The following SSX2IP variants were observed in gnomAD, a reference collection of about 807,000 sequenced individuals.
SSX2IP encodes the protein SSX family member 2 interacting protein.
SSX2IP carries 55 observed loss-of-function variants against 84.9 expected under a neutral mutation model. The ratio of observed to expected loss-of-function variants is 0.65; its 90% confidence interval spans 0.52 to 0.81. SSX2IP has a LOEUF of 0.81. Ranked by LOEUF, SSX2IP falls within the 30% of genes least tolerant of loss-of-function variation. The pLI is 0.00. For synonymous variants in SSX2IP, 239 were observed against 234.7 expected (o/e 1.02, Z -0.17); for missense variants, 664 against 705.2 (o/e 0.94, Z 0.66).
chr1:84,690,266 C>A (rs911326644), intron 1 of SSX2IP, 105 bp downstream of exon 1: 3 of 151,876 alleles, frequency 2.0e-5, no homozygotes, highest in East Asian at 3.9e-4. Flanking sequence ...AGCCAGGTGC[C>A]GGCTCTCACC....
At chr1:84,665,602 T>C (rs547366051) in intron 5 of SSX2IP, among the ~76,000 whole-genome samples, 1 of 151,760 alleles carries the variant, frequency 6.6e-6, no homozygotes, top group African/African-American at 2.4e-5. Flanking sequence ...AAGTAGAAAT[T>C]AGAATTCTGC....
At chr1:84,690,125 G>A (rs1036486677) in intron 1 of SSX2IP, 2 of 152,404 alleles carry the variant, frequency 1.3e-5, no homozygotes, top group Admixed American at 6.5e-5. Flanking sequence ...GCGAACGCCA[G>A]CGAGAGCGGT....
chr1:84,677,876 T>C (rs1654589086), intron 1 of SSX2IP, among the ~76,000 whole-genome samples: 1 of 152,198 alleles, frequency 6.6e-6, no homozygotes, highest in South Asian at 2.1e-4. Flanking sequence ...CTTGACAGCC[T>C]AGTCAGACAC....
rs754121943 is a variant in SSX2IP, at chr1:84,650,487, C to A, written c.1545G>T (p.Pro515=). 4 of 1,613,994 alleles carry A rather than the reference C, an allele frequency of 2.5e-6. No individual in the cohort carries two copies. Among genetic ancestry groups the A allele is most frequent in the East Asian group, 4.5e-5 (2 of 44,894 alleles). The part of the protein sequence containing the change: ...WDNLIVHSRQ[P]QKKPHSVSNG... The stretch of plus-strand genomic sequence containing the variant: ...TAGACACACTGTGAGGCTTCTTTTG[C>A]GGCTGCCTCGAGTGCACTATAAGAT... The change falls in exon 13 of 14, where the codon CCG becomes CCT. Residue 515 remains proline, a synonymous_variant. Coordinates refer to ENST00000342203, the MANE Select transcript of SSX2IP (RefSeq NM_001166293.2).
intron 2 of SSX2IP, 35 bp from the exon 3 acceptor site, chr1:84,670,850 A>G (rs1359756960): frequency 2.0e-6 from 3 of 1,526,948 alleles, no homozygotes; most frequent in East Asian, 4.5e-5. Context: ...TAAATAATTT[A>G]GAAAAACGTA....
intron 1 of SSX2IP, among the ~76,000 whole-genome samples, chr1:84,687,132 C>T (rs1272183624): frequency 6.6e-6 from 1 of 152,118 alleles, no homozygotes; most frequent in East Asian, 1.9e-4. Context: ...CACACCCCTA[C>T]GAAGCAGGTA....
At chr1:84,657,739 C>A (rs976494707) in intron 9 of SSX2IP, among the ~76,000 whole-genome samples, 1 of 152,196 alleles carries the variant, frequency 6.6e-6, no homozygotes. Flanking sequence ...TTGTATACTG[C>A]ATCCAGAGCA....
At chr1:84,662,738 T>C (rs1652212248) in intron 6 of SSX2IP, among the ~76,000 whole-genome samples, 1 of 152,174 alleles carries the variant, frequency 6.6e-6, no homozygotes, top group Non-Finnish European at 1.5e-5. Flanking sequence ...GCCTGTTTCT[T>C]CTTGGACACT....
intron 4 of SSX2IP, 56 bp from the exon 5 acceptor site, chr1:84,666,288 A>ATCTTTTAAGGATTCAGTT: frequency 7.6e-7 from 1 of 1,317,082 alleles, no homozygotes; most frequent in Non-Finnish European, 1.1e-6. Flanking sequence ...AGAATAACTG[A>ATCTTTTAAGGATTCAGTT]ATCCTTAAAA....
At chr1:84,663,522 T>C (rs1652335476) in intron 6 of SSX2IP, among the ~76,000 whole-genome samples, 1 of 152,186 alleles carries the variant, frequency 6.6e-6, no homozygotes, top group South Asian at 2.1e-4. Flanking sequence ...ATTTCTATTT[T>C]TCAACAATTT....
intron 5 of SSX2IP, 111 bp from the exon 6 acceptor site, chr1:84,664,663 C>G: frequency 5.3e-6 from 5 of 946,530 alleles, no homozygotes; most frequent in Non-Finnish European, 7.3e-6. Context: ...GATGATTCTT[C>G]CTTATTTGTA....
intron 8 of SSX2IP, 46 bp from the exon 9 acceptor site, chr1:84,658,514 G>A: frequency 6.4e-7 from 1 of 1,562,342 alleles, no homozygotes; most frequent in Non-Finnish European, 8.7e-7. Flanking sequence ...ACCTTACAAT[G>A]GCTTTAGATG....
intron 4 of SSX2IP, 90 bp downstream of exon 4, chr1:84,669,591 A>G: frequency 5.3e-6 from 6 of 1,124,058 alleles, no homozygotes; most frequent in Non-Finnish European, 7.7e-6. Flanking sequence ...AAAGCTTAAG[A>G]AAACCCTGAA....
At chr1:84,674,204 T>TA (rs1653974840) in intron 1 of SSX2IP, among the ~76,000 whole-genome samples, 1 of 152,184 alleles carries the variant, frequency 6.6e-6, no homozygotes, top group Non-Finnish European at 1.5e-5. Context: ...AGAGATAAGG[T>TA]ATAATGTACT....
chr1:84,660,029 C>A (rs1570611142), intron 8 of SSX2IP, among the ~76,000 whole-genome samples: 1 of 151,936 alleles, frequency 6.6e-6, no homozygotes, highest in East Asian at 1.9e-4. Context: ...ACAACAAACT[C>A]ATTTTACCTG....
rs1649389781 is a variant in SSX2IP at position 84,645,717 on chromosome 1, C to A, written c.*1716G>T. ...TGTTATTGCTAAATAGCAAAACAAA[C>A]AAAAACAAAAACAACAAAAATCCTA... On this transcript the variant is annotated 3_prime_UTR_variant, in exon 14 of 14. Coordinates refer to ENST00000342203, the MANE Select transcript of SSX2IP (RefSeq NM_001166293.2). The A allele has an allele frequency of 6.6e-6, 1 of 151,996 alleles. No individual in the cohort carries two copies. The highest frequency in any genetic ancestry group is 1.5e-5 in the Non-Finnish European group (1 of 67,980). 9.4% of individuals were successfully genotyped at this position (151,996 alleles called of 1,614,324 possible).
intron 1 of SSX2IP, among the ~76,000 whole-genome samples, chr1:84,680,665 A>G (rs6576721): frequency 0.21 from 31,308 of 152,016 alleles, 3,540 homozygotes; most frequent in African/African-American, 0.29. Context: ...AAAAAAACAA[A>G]TATCAGTAGA....
intron 5 of SSX2IP, among the ~76,000 whole-genome samples, chr1:84,665,659 A>C (rs1652678584): frequency 6.6e-6 from 1 of 152,198 alleles, no homozygotes; most frequent in Non-Finnish European, 1.5e-5. Context: ...TTTGTGTCAG[A>C]AATTAGATTT....
rs980279741 is a variant in SSX2IP, at chr1:84,669,753, T to C, written c.354A>G (p.Glu118=). Reference sequence around the variant, plus strand: ...GCTTCAAATTCTGTGTCTCCACATTTTCCTGAGCTAGAAGGTTCTTCCGCT... The same window carrying C: ...GCTTCAAATTCTGTGTCTCCACATTCTCCTGAGCTAGAAGGTTCTTCCGCT... ...VLQRKNLLAQ[E]NVETQNLKLG... is the part of the protein sequence containing the mutation. Residue 118 remains glutamate, a synonymous_variant, in exon 4 of 14, where the codon GAA becomes GAG. Coordinates refer to ENST00000342203, the MANE Select transcript of SSX2IP (RefSeq NM_001166293.2). The C allele has an allele frequency of 6.2e-7, 1 of 1,613,866 alleles. No homozygotes were observed. The highest frequency in any genetic ancestry group is 8.5e-7 in the Non-Finnish European group (1 of 1,179,798).
Sources: allele counts gnomAD v4.1 joint callset (sites outside exome capture counted in the v4.1 genomes callset), GRCh38; gene constraint gnomAD v4.1.1; transcripts MANE v1.5; gene names NCBI Gene and HGNC (gene_info 2026-07-23, HGNC 2026-07-21).